Variants in METTL15 observed in about 807,000 individuals in gnomAD.
METTL15 encodes the protein methyltransferase 15, mitochondrial 12S rRNA N4-cytidine.
METTL15 carries 34 observed loss-of-function variants against 38.3 expected under a neutral mutation model. The observed-to-expected ratio is 0.89, with a 90% CI of 0.68 to 1.18. METTL15 has a LOEUF of 1.18. Ranked by LOEUF, METTL15 falls within the 50% of genes most tolerant of loss-of-function variation. METTL15 has a pLI of 0.00. For synonymous variants in METTL15, 162 were observed against 170.9 expected (o/e 0.95, Z 0.41); for missense variants, 438 against 498.4 (o/e 0.88, Z 1.15).
At chr11:28,181,829 T>G (rs561099688) in intron 3 of METTL15, among the ~76,000 whole-genome samples, 13 of 152,132 alleles carry the variant, frequency 8.5e-5, no homozygotes, top group Middle Eastern at 3.4e-3. Flanking sequence ...TGAGGAATCA[T>G]CATACTGTCT....
intron 4 of METTL15, among the ~76,000 whole-genome samples, chr11:28,241,287 A>C (rs1342651850): frequency 6.6e-6 from 1 of 152,168 alleles, no homozygotes; most frequent in Non-Finnish European, 1.5e-5. Flanking sequence ...TAATCTCAGC[A>C]CTTTGGGAGG....
chr11:28,267,446 C>A (rs1349928753), intron 4 of METTL15, among the ~76,000 whole-genome samples: 2 of 152,110 alleles, frequency 1.3e-5, no homozygotes, highest in Non-Finnish European at 2.9e-5. Context: ...AATCATAATT[C>A]CAGCACTACT....
downstream of METTL15, among the ~76,000 whole-genome samples, chr11:28,530,078 ACT>A (rs1180642204): frequency 6.6e-6 from 1 of 152,054 alleles, no homozygotes; most frequent in Non-Finnish European, 1.5e-5. Flanking sequence ...AAGGCCAATA[ACT>A]CTACTTCTTG....
At chr11:28,136,672 A>G (rs1021106501) in intron 3 of METTL15, among the ~76,000 whole-genome samples, 2 of 152,156 alleles carry the variant, frequency 1.3e-5, no homozygotes, top group African/African-American at 4.8e-5. Flanking sequence ...ATTAAACATC[A>G]CTTTGGCAAT....
At chr11:28,164,407 G>T (rs554059550) in intron 3 of METTL15, among the ~76,000 whole-genome samples, 1 of 152,020 alleles carries the variant, frequency 6.6e-6, no homozygotes, top group African/African-American at 2.4e-5. Flanking sequence ...AAAGGAATAT[G>T]TATGTTTCTG....
At chr11:28,178,001 C>T (rs959446178) in intron 3 of METTL15, among the ~76,000 whole-genome samples, 12 of 151,956 alleles carry the variant, frequency 7.9e-5, no homozygotes, top group African/African-American at 2.7e-4. Context: ...GGGACTTAAA[C>T]ACTTTTGATC....
At chr11:28,426,787 A>G (rs1371404655) in intron 6 of METTL15, among the ~76,000 whole-genome samples, 5 of 140,774 alleles carry the variant, frequency 3.6e-5, no homozygotes, top group African/African-American at 1.3e-4. Context: ...GGTGTTGTTT[A>G]TTTTTTTTTT....
At position 28,332,981 on chromosome 11, in the gene METTL15, G is replaced by A. The variant is rs1225419014; in HGVS notation, c.*2140G>A. 7.1e-6 allele frequency: 1 copy of A among 140,042 alleles called. No homozygotes were observed. The highest frequency in any genetic ancestry group is 2.9e-5 in the African/African-American group (1 of 34,640). 8.7% of individuals were successfully genotyped at this position (140,042 alleles called of 1,614,324 possible). On this transcript the variant is annotated 3_prime_UTR_variant, in exon 7 of 7. Coordinates refer to ENST00000407364, the MANE Select transcript of METTL15 (RefSeq NM_001113528.2). ...AAGAAAGAGAAGATAGAGACACAGG[G>A]GAGAATGCCACATGAAGCTGGAGGC...
intron 4 of METTL15, among the ~76,000 whole-genome samples, chr11:28,282,898 C>T (rs1856109916): frequency 6.6e-6 from 1 of 152,146 alleles, no homozygotes; most frequent in Non-Finnish European, 1.5e-5. Flanking sequence ...GAAGCTACTA[C>T]ATTTTATGGT....
At chr11:28,306,269 G>A (rs1310896263) in intron 6 of METTL15, among the ~76,000 whole-genome samples, 2 of 152,012 alleles carry the variant, frequency 1.3e-5, no homozygotes, top group Non-Finnish European at 2.9e-5. Flanking sequence ...GTGACCTGCT[G>A]GCATTGTATG....
At chr11:28,201,338 T>C (rs1424048142) in intron 3 of METTL15, among the ~76,000 whole-genome samples, 1 of 152,172 alleles carries the variant, frequency 6.6e-6, no homozygotes, top group Non-Finnish European at 1.5e-5. Context: ...TCAGGGATAT[T>C]GGCCTGAAGT....
rs562950074 is a variant in METTL15 at position 28,215,464 on chromosome 11, G to A, written c.407+4266G>A. ...TCTGAGGAGAATGAGAGACAGCAGG[G>A]AAAGAGGTGGTCAGAAGGTAACTTT... On this transcript the variant is annotated intron_variant, in intron 4 of 6. Coordinates refer to ENST00000407364, the MANE Select transcript of METTL15 (RefSeq NM_001113528.2). 4.6e-5 allele frequency among the ~76,000 whole-genome samples: 7 copies of A among 152,134 alleles called. No individual in the cohort carries two copies. In the South Asian group the frequency reaches 1.5e-3, roughly 32 times the overall value.
At chr11:28,389,092 G>T (rs1004339349) in intron 5 of METTL15, among the ~76,000 whole-genome samples, 1 of 151,974 alleles carries the variant, frequency 6.6e-6, no homozygotes, top group Non-Finnish European at 1.5e-5. Flanking sequence ...TGTAGGATAT[G>T]TGGGTTGGTT....
intron 3 of METTL15, among the ~76,000 whole-genome samples, chr11:28,195,998 T>A (rs1165773934): frequency 6.6e-6 from 1 of 152,038 alleles, no homozygotes; most frequent in Non-Finnish European, 1.5e-5. Flanking sequence ...TAGTTGAAGA[T>A]CAGTTGGTTG....
At chr11:28,320,845 A>T (rs1035034416) in intron 6 of METTL15, among the ~76,000 whole-genome samples, 4 of 152,084 alleles carry the variant, frequency 2.6e-5, no homozygotes, top group African/African-American at 9.7e-5. Flanking sequence ...TTTAAAGACA[A>T]TTTTTTTCAT....
At chr11:28,440,333 T>A (rs777534725) in intron 6 of METTL15, among the ~76,000 whole-genome samples, 2 of 152,194 alleles carry the variant, frequency 1.3e-5, no homozygotes, top group Non-Finnish European at 2.9e-5. Flanking sequence ...TAAAAATTGC[T>A]TACTATGAAT....
At chr11:28,153,720 A>G (rs1850170783) in intron 3 of METTL15, among the ~76,000 whole-genome samples, 1 of 152,162 alleles carries the variant, frequency 6.6e-6, no homozygotes, top group East Asian at 1.9e-4. Flanking sequence ...TGCTTAGAAC[A>G]TGATGGAATT....
chr11:28,321,491 C>A (rs1849468890), intron 6 of METTL15, among the ~76,000 whole-genome samples: 1 of 151,858 alleles, frequency 6.6e-6, no homozygotes, highest in Non-Finnish European at 1.5e-5. Context: ...GTAACATAAC[C>A]AAGACTTAAG....
At chr11:28,147,348 T>G (rs1329900288) in intron 3 of METTL15, among the ~76,000 whole-genome samples, 1 of 151,898 alleles carries the variant, frequency 6.6e-6, no homozygotes, top group East Asian at 1.9e-4. Context: ...TTGATCTAGT[T>G]ACAGAGTAGA....
Sources: gnomAD v4.1 joint callset for allele counts (sites outside exome capture counted in the v4.1 genomes callset) on GRCh38, gnomAD v4.1.1 for gene constraint, MANE v1.5 for transcripts, NCBI Gene and HGNC (gene_info 2026-07-23, HGNC 2026-07-21) for gene names.